Variants in PPA2 observed in about 807,000 individuals in gnomAD.
PPA2 encodes the protein inorganic pyrophosphatase 2, also known as inorganic pyrophosphatase 2, mitochondrial.
In PPA2, 48 loss-of-function variants were observed where a neutral mutation model predicts 49.5. The observed-to-expected ratio is 0.97, with a 90% CI of 0.77 to 1.23. The LOEUF (loss-of-function observed/expected upper bound fraction) is 1.23. Among genes scored for constraint, PPA2 ranks in the 50% most tolerant of loss-of-function variants. The probability of loss-of-function intolerance (pLI) is 0.00; values close to 1 mark genes in which losing one functional copy is unlikely to be tolerated. For missense variants in PPA2, 429 were observed against 410.1 expected, an observed-to-expected ratio of 1.05 and a Z score of -0.40; for synonymous variants, 131 against 139.9, an observed-to-expected ratio of 0.94 and a Z score of 0.45.
At chr4:105,430,558 A>G (rs1029280552) in intron 6 of PPA2, among the ~76,000 whole-genome samples, 2 of 152,318 alleles carry the variant, frequency 1.3e-5, no homozygotes, top group African/African-American at 4.8e-5. Flanking sequence ...TATCAACACT[A>G]CGTGCATCAT....
chr4:105,370,777 C>A, intron 11 of PPA2, 60 bp downstream of exon 11: 2 of 1,322,290 alleles, frequency 1.5e-6, no homozygotes, highest in South Asian at 1.8e-5. Context: ...TTTTGGCTTC[C>A]ACTACTGTAA....
At chr4:105,374,122 T>C (rs1054015429) in intron 10 of PPA2, among the ~76,000 whole-genome samples, 2 of 152,244 alleles carry the variant, frequency 1.3e-5, no homozygotes, top group Non-Finnish European at 2.9e-5. Flanking sequence ...AAATAACTTT[T>C]AGTTACTTAC....
At chr4:105,457,594 TTTC>T (rs1431138797) in intron 1 of PPA2, among the ~76,000 whole-genome samples, 1 of 149,626 alleles carries the variant, frequency 6.7e-6, no homozygotes, top group African/African-American at 2.5e-5. Flanking sequence ...TCTTGGTTTC[TTTC>T]TTCTTTTTTT....
chr4:105,442,300 T>A (rs1399316715), intron 5 of PPA2, among the ~76,000 whole-genome samples: 3 of 152,180 alleles, frequency 2.0e-5, no homozygotes, highest in African/African-American at 7.2e-5. Flanking sequence ...TCTGATCAAC[T>A]CATTCAATAC....
chr4:105,439,868 G>C (rs1724262103), intron 5 of PPA2, among the ~76,000 whole-genome samples: 1 of 115,808 alleles, frequency 8.6e-6, no homozygotes, highest in East Asian at 2.9e-4. Flanking sequence ...CCCAGTGTGT[G>C]ATGCTCCCCT....
At chr4:105,382,490 A>T (rs1733527292) in intron 10 of PPA2, among the ~76,000 whole-genome samples, 1 of 152,168 alleles carries the variant, frequency 6.6e-6, no homozygotes, top group South Asian at 2.1e-4. Flanking sequence ...AAGACTATCA[A>T]CTAATATTAT....
rs1473791749 is a variant in PPA2 at position 105,369,589 on chromosome 4, T to C, written c.*136A>G. The C allele has an allele frequency of 2.8e-6, 2 of 709,858 alleles. No homozygotes were observed. The highest frequency in any genetic ancestry group is 1.9e-5 in the South Asian group (1 of 52,884). 44.0% of individuals were successfully genotyped at this position (709,858 alleles called of 1,614,324 possible). A position where few individuals can be genotyped will look rare whatever the true frequency, so the allele number is the denominator to read the frequency against. ...ATTTAAAATTCTTACTGTTTATTTATATATTGCATAGCTCAAAAAGTTTGA... is the reference window on the plus strand; with the variant it reads ...ATTTAAAATTCTTACTGTTTATTTACATATTGCATAGCTCAAAAAGTTTGA... On this transcript the variant is annotated 3_prime_UTR_variant, in exon 12 of 12. Coordinates refer to ENST00000341695, the MANE Select transcript of PPA2 (RefSeq NM_176869.3).
chr4:105,470,259 A>G (rs536627297), intron 1 of PPA2, among the ~76,000 whole-genome samples: 1 of 152,382 alleles, frequency 6.6e-6, no homozygotes, highest in East Asian at 1.9e-4. Flanking sequence ...TTGGCTCAAT[A>G]TAAGTGAGTC....
intron 2 of PPA2, among the ~76,000 whole-genome samples, chr4:105,454,782 T>G (rs1423871602): frequency 6.6e-6 from 1 of 152,178 alleles, no homozygotes; most frequent in Non-Finnish European, 1.5e-5. Context: ...CCTGTTGTAT[T>G]TGCTGGCCCT....
At chr4:105,471,122 T>G (rs1173826338) in intron 1 of PPA2, among the ~76,000 whole-genome samples, 3 of 152,220 alleles carry the variant, frequency 2.0e-5, no homozygotes, top group Non-Finnish European at 4.4e-5. Context: ...AAACCCTCTG[T>G]TTTAACGAAA....
chr4:105,424,356 G>A (rs1291902631), intron 6 of PPA2, 34 bp from the exon 7 acceptor site: 6 of 1,546,598 alleles, frequency 3.9e-6, no homozygotes, highest in African/African-American at 1.4e-5. Flanking sequence ...TATTTGCAAG[G>A]CTTTGGAGAG....
chr4:105,419,843 G>C (rs1723174797), intron 7 of PPA2, among the ~76,000 whole-genome samples: 1 of 151,862 alleles, frequency 6.6e-6, no homozygotes, highest in Non-Finnish European at 1.5e-5. Flanking sequence ...TATATGAATA[G>C]AGTAAAAAGA....
At chr4:105,444,831 A>G (rs1724530820) in intron 5 of PPA2, among the ~76,000 whole-genome samples, 2 of 152,230 alleles carry the variant, frequency 1.3e-5, no homozygotes. Flanking sequence ...TACGATAATA[A>G]AAGTACCAGT....
At chr4:105,447,046 GA>G (rs1257901887) in intron 4 of PPA2, among the ~76,000 whole-genome samples, 1 of 152,088 alleles carries the variant, frequency 6.6e-6, no homozygotes, top group South Asian at 2.1e-4. Context: ...AGAAAGAAGT[GA>G]AACTGTCACT....
At chr4:105,470,753 A>G (rs1459534461) in intron 1 of PPA2, among the ~76,000 whole-genome samples, 1 of 152,244 alleles carries the variant, frequency 6.6e-6, no homozygotes, top group Admixed American at 6.5e-5. Flanking sequence ...CAGCAATTCT[A>G]TAAAATTACT....
At chr4:105,456,250 G>C (rs1722869760) in intron 2 of PPA2, 1 of 473,500 alleles carries the variant, frequency 2.1e-6, no homozygotes, top group African/African-American at 2.0e-5. Flanking sequence ...GCACTTACCA[G>C]ATCTTAGACA....
intron 9 of PPA2, among the ~76,000 whole-genome samples, chr4:105,395,628 T>G (rs1734108219): frequency 6.6e-6 from 1 of 151,106 alleles, no homozygotes; most frequent in Non-Finnish European, 1.5e-5. Context: ...CTACAAAAAT[T>G]TGGTGTAGAT....
intron 10 of PPA2, among the ~76,000 whole-genome samples, chr4:105,381,624 T>A (rs1299358509): frequency 6.6e-6 from 1 of 152,114 alleles, no homozygotes; most frequent in Non-Finnish European, 1.5e-5. Flanking sequence ...AACAAAATTA[T>A]CAATTCATCT....
intron 10 of PPA2, among the ~76,000 whole-genome samples, chr4:105,372,277 C>T (rs113206156): frequency 0.02 from 3,007 of 152,220 alleles, 50 homozygotes; most frequent in Middle Eastern, 0.058. Context: ...AACTTTGGCC[C>T]CTTGGTCTTC....
Sources: gnomAD v4.1 joint callset for allele counts (sites outside exome capture counted in the v4.1 genomes callset) on GRCh38, gnomAD v4.1.1 for gene constraint, MANE v1.5 for transcripts, NCBI Gene and HGNC (gene_info 2026-07-23, HGNC 2026-07-21) for gene names.